ACAP3: variants seen among roughly 807,000 people sequenced by gnomAD.
ACAP3 encodes the protein arf-GAP with coiled-coil, ANK repeat and PH domain-containing protein 3.
In ACAP3, 56 loss-of-function variants were observed where a neutral mutation model predicts 104.1. The observed-to-expected ratio is 0.54, with a 90% CI of 0.43 to 0.67. ACAP3 has a LOEUF of 0.67. ACAP3 is among the 30% of genes least tolerant of loss of function. ACAP3 has a pLI of 0.00. For missense variants in ACAP3, 1,208 were observed against 1,174.9 expected (o/e 1.03, Z -0.41); for synonymous variants, 628 against 496.2 (o/e 1.27, Z -3.53).
At chr1:1,293,983 A>T in intron 22 of ACAP3, 50 bp from the exon 23 acceptor site, 2 of 1,456,200 alleles carry the variant, frequency 1.4e-6, no homozygotes, top group South Asian at 2.7e-5. Flanking sequence ...GGGCGGGGCG[A>T]GTGTGGTCGC....
At chr1:1,302,798 C>T (rs565344152) in intron 4 of ACAP3, 124 bp downstream of exon 4, 6 of 276,464 alleles carry the variant, frequency 2.2e-5, no homozygotes, top group African/African-American at 1.2e-4. Context: ...GTGGGATTCC[C>T]CCCCCCCCCG....
In ACAP3 at chr1:1,302,048, T is replaced by TG; in HGVS notation, c.280-3dup. On this transcript the variant is annotated splice_region_variant and splice_polypyrimidine_tract_variant and intron_variant, in intron 4 of 23. Transcript: ENST00000354700. ...CCTCTGGGCCTGGTCAAACAGGATC[T>TG]GGGGGCAGAGGCGGGCAGAGATCCT... is the stretch of plus-strand genomic sequence containing the variant. The TG allele has an allele frequency of 6.5e-7, 1 of 1,547,280 alleles. No individual in the cohort carries two copies. The highest frequency in any genetic ancestry group is 1.9e-5 in the Admixed American group (1 of 52,218).
rs1454422238 is a variant in ACAP3 at position 1,303,454 on chromosome 1, T to G, written c.106-173A>C. 3.7e-5 allele frequency: 13 copies of G among 354,406 alleles called. No homozygotes were observed. Among genetic ancestry groups the G allele is most frequent in the Non-Finnish European group, 4.7e-5 (9 of 190,494 alleles). The allele number at this position is 354,406 out of a possible 1,614,324, so 22.0% of individuals were successfully genotyped here. On this transcript the variant is annotated intron_variant, in intron 2 of 23. Coordinates refer to ENST00000354700, the MANE Select transcript of ACAP3 (RefSeq NM_030649.3). The surrounding 1 kb of genome is among the most constrained non-coding windows in gnomAD (Gnocchi z 4.0). ...CTCACGCCTGGGCCTGCCTGGGGCT[T>G]GGAGGCCCGTCTGGGAGGGGAGGGT...
chr1:1,295,092 G>A (rs1311061893), intron 19 of ACAP3: 4 of 558,972 alleles, frequency 7.2e-6, no homozygotes, highest in South Asian at 4.6e-5. Context: ...CCCCCGCAGT[G>A]GGCCCCCCAG....
chr1:1,307,866 G>T lies in ACAP3; in HGVS notation c.-51C>A. ...GGCACGAGGACCGCGGCGCCGAGCG[G>T]CAGCCGCGCCGGCCCGGACCGCTCG... On this transcript the variant is annotated 5_prime_UTR_variant, in exon 1 of 24. Transcript: ENST00000354700. 3.0e-6 allele frequency: 3 copies of T among 989,422 alleles called. 1 individual carries two copies. Among genetic ancestry groups the T allele is most frequent in the Non-Finnish European group, 3.6e-6 (3 of 829,574 alleles). 61.3% of individuals were successfully genotyped at this position (989,422 alleles called of 1,614,324 possible). A position where few individuals can be genotyped will look rare whatever the true frequency, so the allele number is the denominator to read the frequency against.
chr1:1,294,849 T>C, intron 19 of ACAP3, 33 bp from the exon 20 acceptor site: 4 of 1,545,202 alleles, frequency 2.6e-6, no homozygotes, highest in Non-Finnish European at 3.5e-6. Context: ...GTCCTGAGGG[T>C]GGGAGGCCCA....
In ACAP3 at chr1:1,307,891, G is replaced by C. The variant is rs1641816395; in HGVS notation, c.-76C>G. Reference sequence around the variant, plus strand: ...GCAGCCGCGCCGGCCCGGACCGCTCGTCCCGCCCGCGCCGCCTCGGCGCCC... The same window carrying C: ...GCAGCCGCGCCGGCCCGGACCGCTCCTCCCGCCCGCGCCGCCTCGGCGCCC... On this transcript the variant is annotated 5_prime_UTR_variant, in exon 1 of 24. Transcript: ENST00000354700. 2.3e-6 allele frequency: 2 copies of C among 877,306 alleles called. No individual in the cohort carries two copies. The highest frequency in any genetic ancestry group is 1.8e-5 in the African/African-American group (1 of 54,476). 54.3% of individuals were successfully genotyped at this position (877,306 alleles called of 1,614,324 possible). A position where few individuals can be genotyped will look rare whatever the true frequency, so the allele number is the denominator to read the frequency against.
rs183941892 is a variant in ACAP3 at position 1,303,759 on chromosome 1, C to A, written c.105+327G>T. On this transcript the variant is annotated intron_variant, in intron 2 of 23. Coordinates refer to ENST00000354700, the MANE Select transcript of ACAP3 (RefSeq NM_030649.3). This position sits in a 1 kb window ranked among gnomAD's most constrained non-coding sequence, Gnocchi z 4.0. ...CCCCCTCCCCTTTCTCAGCCCCAGCCCCAGCCACACCAAGGCTCAGCCCAC... is the reference window on the plus strand; with the variant it reads ...CCCCCTCCCCTTTCTCAGCCCCAGCACCAGCCACACCAAGGCTCAGCCCAC... The A allele has an allele frequency of 3.0e-4, 145 of 484,564 alleles. 1 individual carries two copies. In the East Asian group the frequency reaches 3.8e-3, roughly 13 times the overall value. 30.0% of individuals were successfully genotyped at this position (484,564 alleles called of 1,614,324 possible). A position where few individuals can be genotyped will look rare whatever the true frequency, so the allele number is the denominator to read the frequency against.
chr1:1,297,893 C>T lies in ACAP3; in HGVS notation c.1057G>A (p.Ala353Thr), dbSNP rs1641262587. 6.2e-7 allele frequency: 1 copy of T among 1,611,948 alleles called. No homozygotes were observed. Among genetic ancestry groups the T allele is most frequent in the African/African-American group, 1.3e-5 (1 of 74,894 alleles). Reference protein sequence around the residue: ...LQADSEKLRQAWVQAVQASIA... With the variant: ...LQADSEKLRQTWVQAVQASIA... ...CTGGCCTGCACAGCCTGGACCCAGG[C>T]TTGCCGCAGCTTCTCGGAGTCAGCC... is the stretch of plus-strand genomic sequence containing the variant. The change falls in exon 14 of 24, where the codon GCC becomes ACC. Residue 353 changes from alanine (A) to threonine (T), a missense_variant. By Grantham distance (58) the Ala-to-Thr change is moderately conservative. Coordinates refer to ENST00000354700, the MANE Select transcript of ACAP3 (RefSeq NM_030649.3).
In ACAP3 at chr1:1,293,847, G is replaced by A. The variant is rs1384620313; in HGVS notation, c.2336C>T (p.Ala779Val). ...QRDPLAIAVQ[A>V]ANADIVTLLR... ...CAGTGTCACGATGTCAGCGTTGGCC[G>A]CCTGCACTGCGATGGCCAACGGGTC... Residue 779 changes from alanine (A) to valine (V), a missense_variant, in exon 23 of 24, where the codon GCG becomes GTG. Ala to Val is a moderately conservative substitution (Grantham distance 64). Transcript: ENST00000354700. 1.9e-6 allele frequency: 3 copies of A among 1,580,048 alleles called. No homozygotes were observed. Among genetic ancestry groups the A allele is most frequent in the East Asian group, 2.4e-5 (1 of 42,054 alleles).
rs949694704 is a variant in ACAP3 at position 1,300,379 on chromosome 1, G to A, written c.522+130C>T. ...GGTCCTGGACTGCTTCCCCATGTCT[G>A]GAGTTCCCACCCATGGGCAAAGCAA... On this transcript the variant is annotated intron_variant, in intron 6 of 23. Transcript: ENST00000354700. The A allele has an allele frequency of 3.2e-6, 4 of 1,254,474 alleles. No individual in the cohort carries two copies. In the African/African-American group the frequency reaches 6.1e-5, roughly 19 times the overall value. 77.7% of individuals were successfully genotyped at this position (1,254,474 alleles called of 1,614,324 possible). A position where few individuals can be genotyped will look rare whatever the true frequency, so the allele number is the denominator to read the frequency against.
At chr1:1,302,866 C>G (rs536744224) in intron 4 of ACAP3, 56 bp downstream of exon 4, 1 of 1,540,330 alleles carries the variant, frequency 6.5e-7, no homozygotes, top group African/African-American at 1.4e-5. Flanking sequence ...GGTGAGCCAG[C>G]GCAGCTCGGT....
rs1435186727 is a variant in ACAP3, at chr1:1,294,710, C to T, written c.1912+8G>A. 6.5e-7 allele frequency: 1 copy of T among 1,549,176 alleles called. No individual in the cohort carries two copies. Among genetic ancestry groups the T allele is most frequent in the African/African-American group, 1.4e-5 (1 of 73,012 alleles). On this transcript the variant is annotated splice_region_variant and intron_variant, in intron 20 of 23. Coordinates refer to ENST00000354700, the MANE Select transcript of ACAP3 (RefSeq NM_030649.3). ...AGGGGCCTCGGGCGAGGGCAAGACG[C>T]CACCCACCCTCCTCAGTGACGCTGT...
At chr1:1,295,347 C>G (rs1641078670) in intron 19 of ACAP3, 100 bp downstream of exon 19, 1 of 1,138,602 alleles carries the variant, frequency 8.8e-7, no homozygotes, top group Non-Finnish European at 1.3e-6. Flanking sequence ...CCTTCAGATG[C>G]TGCTCCATTC....
Position 1,300,802 on chromosome 1 carries a change from G to A in ACAP3, c.339-110C>T, listed in dbSNP as rs1238887206. ...TTTTTGTTTTTTGAGACGGAGTTTCGCTCTTGTCACCCAGGCTGGAGTGCA... is the reference window on the plus strand; with the variant it reads ...TTTTTGTTTTTTGAGACGGAGTTTCACTCTTGTCACCCAGGCTGGAGTGCA... On this transcript the variant is annotated intron_variant, in intron 5 of 23. Coordinates refer to ENST00000354700, the MANE Select transcript of ACAP3 (RefSeq NM_030649.3). 38 of 1,184,360 alleles carry A rather than the reference G, an allele frequency of 3.2e-5. 1 individual carries two copies. The highest frequency in any genetic ancestry group is 2.2e-4 in the African/African-American group (14 of 63,654). 73.4% of individuals were successfully genotyped at this position (1,184,360 alleles called of 1,614,324 possible). A position where few individuals can be genotyped will look rare whatever the true frequency, so the allele number is the denominator to read the frequency against.
chr1:1,299,935 G>A (rs746785307), intron 8 of ACAP3, 30 bp from the exon 9 acceptor site: 36 of 1,596,216 alleles, frequency 2.3e-5, no homozygotes, highest in Non-Finnish European at 2.8e-5. Flanking sequence ...GGAAGGTCAC[G>A]GAGGCCTGGC....
chr1:1,300,958 G>A (rs1253610584), intron 5 of ACAP3, among the ~76,000 whole-genome samples: 1 of 152,142 alleles, frequency 6.6e-6, no homozygotes, highest in Non-Finnish European at 1.5e-5. Context: ...GTAGAGATGG[G>A]GTTTCTCCAG....
chr1:1,294,867 T>G, intron 19 of ACAP3, 51 bp from the exon 20 acceptor site: 1 of 1,529,686 alleles, frequency 6.5e-7, no homozygotes, highest in Non-Finnish European at 8.8e-7. Flanking sequence ...CCAGACTCCG[T>G]CCAGAGCCCT....
intron 5 of ACAP3, 181 bp downstream of exon 5, chr1:1,301,806 CA>C: frequency 2.1e-6 from 1 of 476,292 alleles, no homozygotes; most frequent in Non-Finnish European, 3.7e-6. Flanking sequence ...CCCACACATG[CA>C]GGGTGTGGAA....
Sources: allele counts gnomAD v4.1 joint callset (sites outside exome capture counted in the v4.1 genomes callset), GRCh38; gene constraint gnomAD v4.1.1; non-coding constraint Gnocchi (gnomAD v3.1); transcripts MANE v1.5; gene names NCBI Gene and HGNC (gene_info 2026-07-23, HGNC 2026-07-21).